DYNC2H1: variants seen among roughly 807,000 people sequenced by gnomAD.
DYNC2H1 encodes dynein cytoplasmic 2 heavy chain 1, also known as cytoplasmic dynein 2 heavy chain 1.
In DYNC2H1, 410 loss-of-function variants were observed where a neutral mutation model predicts 570.0. That is an observed-to-expected ratio of 0.72 (90% CI 0.66 to 0.78). The LOEUF is 0.78. Ranked by LOEUF, DYNC2H1 falls within the 30% of genes least tolerant of loss-of-function variation. DYNC2H1 has a pLI of 0.00. For missense variants in DYNC2H1, 4,865 were observed against 5,046.4 expected (o/e 0.96, Z 1.09); for synonymous variants, 1,688 against 1,677.6 (o/e 1.01, Z -0.15).
Position 103,199,423 on chromosome 11 carries a change from C to G in DYNC2H1, c.8035C>G (p.Pro2679Ala). Residue 2679 changes from proline to alanine, a missense_variant, in exon 49 of 89, where the codon CCA (proline) becomes GCA (alanine). Pro to Ala is a conservative substitution (Grantham distance 27). Coordinates refer to ENST00000375735, the MANE Select transcript of DYNC2H1 (RefSeq NM_001377.3). The surrounding 1 kb of genome is among the most constrained non-coding windows in gnomAD (Gnocchi z 4.6). ...CATGCATGGAGCGGTCCTGTTTTCT[C>G]CAAAGATTTCCAGAGGATATGAACT... is the stretch of plus-strand genomic sequence containing the variant. ...SHMHGAVLFS[P>A]KISRGYELKQ... The G allele has an allele frequency of 6.2e-7, 1 of 1,611,588 alleles. No homozygotes were observed. Among genetic ancestry groups the G allele is most frequent in the Non-Finnish European group, 8.5e-7 (1 of 1,178,792 alleles).
intron 59 of DYNC2H1, among the ~76,000 whole-genome samples, chr11:103,230,163 A>T (rs1863951309): frequency 1.3e-5 from 2 of 152,142 alleles, no homozygotes; most frequent in Non-Finnish European, 2.9e-5. Context: ...TAAAAAGTCT[A>T]ATGCTACTTT....
chr11:103,163,980 A>C lies in DYNC2H1; in HGVS notation c.4611+833A>C, dbSNP rs1861199229. Reference sequence around the variant, plus strand: ...CCATTTTCTCATACATGCCATTTGTATCTTTTTTCATTTTAAGGCAAACTG... The same window carrying C: ...CCATTTTCTCATACATGCCATTTGTCTCTTTTTTCATTTTAAGGCAAACTG... On this transcript the variant is annotated intron_variant, in intron 30 of 88. Transcript: ENST00000375735. This position sits in a 1 kb window ranked among gnomAD's most constrained non-coding sequence, Gnocchi z 4.6. Among the ~76,000 whole-genome samples the C allele has an allele frequency of 6.6e-6, 1 of 152,196 alleles. No homozygotes were observed. The highest frequency in any genetic ancestry group is 1.5e-5 in the Non-Finnish European group (1 of 68,022).
intron 83 of DYNC2H1, among the ~76,000 whole-genome samples, chr11:103,377,955 C>T (rs968948371): frequency 3.9e-5 from 6 of 152,024 alleles, no homozygotes; most frequent in Non-Finnish European, 5.9e-5. Context: ...CAGCTGGTCT[C>T]GAACTCCTGG....
At chr11:103,120,620 T>G in intron 7 of DYNC2H1, 39 bp downstream of exon 7, 1 of 1,595,900 alleles carries the variant, frequency 6.3e-7, no homozygotes, top group Non-Finnish European at 8.5e-7. Context: ...CAGTTTCCTG[T>G]TTATGTTGTT....
intron 39 of DYNC2H1, among the ~76,000 whole-genome samples, chr11:103,180,690 T>C (rs1861815051): frequency 1.3e-5 from 2 of 151,414 alleles, no homozygotes; most frequent in African/African-American, 2.4e-5. Context: ...TTATTAATGA[T>C]TCTGGGACAA....
chr11:103,364,341 AG>A (rs1940793441), intron 83 of DYNC2H1, among the ~76,000 whole-genome samples: 1 of 150,750 alleles, frequency 6.6e-6, no homozygotes, highest in African/African-American at 2.4e-5. Flanking sequence ...TTTTTTTTTA[AG>A]GGCTGGTATT....
rs1310111810 is a variant in DYNC2H1 at position 103,453,623 on chromosome 11, TATATATATATATATATATAC to T, written c.12457-1561_12457-1542del. 2.3e-3 allele frequency among the ~76,000 whole-genome samples: 320 copies of T among 136,410 alleles called. 1 individual carries two copies. Among genetic ancestry groups the T allele is most frequent in the Middle Eastern group, 0.016 (4 of 256 alleles). The allele number at this position is 136,410 out of a possible 152,430, so 89.5% of individuals were successfully genotyped here. On this transcript the variant is annotated intron_variant, in intron 85 of 88. Transcript: ENST00000375735. ...AGCCATGTTAGTTTAGACATATATA[TATATATATATATATATATAC>T]ACACATTCATTACTGGCAACAACTC...
At position 103,155,331 on chromosome 11, in the gene DYNC2H1, A is replaced by G. The variant is rs1421509501; in HGVS notation, c.3574A>G (p.Ile1192Val). Residue 1192 changes from isoleucine (I) to valine (V), a missense_variant and splice_region_variant, in exon 25 of 89, where the codon ATC becomes GTC. Ile to Val is a conservative substitution (Grantham distance 29, BLOSUM62 3). This residue lies in a region of DYNC2H1 where 1,936 missense variants were observed against 1,962.1 expected (regional missense o/e 0.99). Transcript: ENST00000375735. The stretch of plus-strand genomic sequence containing the variant: ...TTTTTCTTTTTTTTTTTTGTAACAG[A>G]TCGTAATTCCTATCTTGAAATATGT... ...KLQSEVDKYK[I>V]VIPILKYVRG... 47 of 1,590,684 alleles carry G rather than the reference A, an allele frequency of 3.0e-5. No homozygotes were observed. The East Asian group carries it at 1.1e-3, about 36-fold the overall frequency.
intron 83 of DYNC2H1, among the ~76,000 whole-genome samples, chr11:103,381,154 A>G (rs1941627817): frequency 6.6e-6 from 1 of 152,216 alleles, no homozygotes; most frequent in Non-Finnish European, 1.5e-5. Context: ...TTAAGAAGTT[A>G]TAATGTTCTA....
intron 31 of DYNC2H1, among the ~76,000 whole-genome samples, chr11:103,168,018 T>C (rs1250013398): frequency 6.6e-6 from 1 of 152,220 alleles, no homozygotes; most frequent in Non-Finnish European, 1.5e-5. Flanking sequence ...TTTTTCAATC[T>C]CCTTCTTCTC....
At chr11:103,143,193 T>C in intron 17 of DYNC2H1, 75 bp from the exon 18 acceptor site, 1 of 1,493,256 alleles carries the variant, frequency 6.7e-7, no homozygotes, top group Non-Finnish European at 9.1e-7. Context: ...GTTTTAATAG[T>C]TGAATCCTAT....
Position 103,209,814 on chromosome 11 carries a change from G to A in DYNC2H1, c.8455-62G>A. On this transcript the variant is annotated intron_variant, in intron 52 of 88. Coordinates refer to ENST00000375735, the MANE Select transcript of DYNC2H1 (RefSeq NM_001377.3). The surrounding 1 kb of genome is among the most constrained non-coding windows in gnomAD (Gnocchi z 4.2). ...CAATACTGACTTTTTTTGTATTAAA[G>A]GTTTTTAACTTATGATATGGGACTT... 7.8e-7 allele frequency: 1 copy of A among 1,284,190 alleles called. No homozygotes were observed. The highest frequency in any genetic ancestry group is 1.0e-6 in the Non-Finnish European group (1 of 989,382). 79.5% of individuals were successfully genotyped at this position (1,284,190 alleles called of 1,614,324 possible). A position where few individuals can be genotyped will look rare whatever the true frequency, so the allele number is the denominator to read the frequency against.
intron 37 of DYNC2H1, among the ~76,000 whole-genome samples, chr11:103,176,820 C>G (rs1390936571): frequency 3.3e-5 from 5 of 152,072 alleles, no homozygotes; most frequent in African/African-American, 1.2e-4. Context: ...ATTCTCCTGC[C>G]TCAGCCTCCT....
intron 52 of DYNC2H1, among the ~76,000 whole-genome samples, chr11:103,208,984 T>A (rs759160006): frequency 1.3e-4 from 20 of 152,126 alleles, no homozygotes; most frequent in Non-Finnish European, 2.6e-4. Context: ...TTTAAAAATA[T>A]AAGTTTAAAA....
chr11:103,288,684 T>TAAAAAAAAAAAAA (rs57040929), intron 75 of DYNC2H1, among the ~76,000 whole-genome samples: 5 of 27,914 alleles, frequency 1.8e-4, no homozygotes, highest in African/African-American at 3.2e-4. Flanking sequence ...CCGTCTCTAC[T>TAAAAAAAAAAAAA]AAAAAAAAAA....
At chr11:103,294,876 T>A (rs1270146616) in intron 75 of DYNC2H1, among the ~76,000 whole-genome samples, 2 of 152,206 alleles carry the variant, frequency 1.3e-5, no homozygotes, top group African/African-American at 2.4e-5. Context: ...GCTTCAGGAA[T>A]CTTCCTGGTG....
At chr11:103,276,734 AT>A (rs1038273983) in intron 70 of DYNC2H1, among the ~76,000 whole-genome samples, 5 of 151,968 alleles carry the variant, frequency 3.3e-5, no homozygotes, top group Non-Finnish European at 7.4e-5. Flanking sequence ...TTTTGTTTTG[AT>A]TATTATTTAT....
intron 83 of DYNC2H1, among the ~76,000 whole-genome samples, chr11:103,362,692 C>T (rs1461969107): frequency 1.3e-5 from 2 of 152,144 alleles, no homozygotes; most frequent in African/African-American, 2.4e-5. Context: ...AGTTGCTAAA[C>T]ATCCTTGTTC....
intron 80 of DYNC2H1, among the ~76,000 whole-genome samples, chr11:103,317,458 A>G (rs985174079): frequency 6.6e-6 from 1 of 151,958 alleles, no homozygotes; most frequent in African/African-American, 2.4e-5. Context: ...TTATTTTCCA[A>G]TGTGTTGGCA....
Sources: gnomAD v4.1 joint callset for allele counts (sites outside exome capture counted in the v4.1 genomes callset) on GRCh38, gnomAD v4.1.1 for gene constraint, gnomAD v4.1.1 regional missense constraint, Gnocchi (gnomAD v3.1) non-coding constraint, MANE v1.5 for transcripts, NCBI Gene and HGNC (gene_info 2026-07-23, HGNC 2026-07-21) for gene names.